Variants in TSG101 observed in about 807,000 individuals in gnomAD.
TSG101 encodes the protein tumor susceptibility 101, also known as tumor susceptibility gene 101 protein.
A neutral mutation model predicts 48.5 loss-of-function variants in TSG101; 19 were observed. The ratio of observed to expected loss-of-function variants is 0.39; its 90% confidence interval spans 0.27 to 0.58. The LOEUF (loss-of-function observed/expected upper bound fraction) is 0.58, where lower values mean the gene tolerates loss of function less well. TSG101 is among the 20% of genes least tolerant of loss of function. TSG101 has a pLI of 0.55. For synonymous variants in TSG101, 174 were observed against 169.4 expected, an observed-to-expected ratio of 1.03 and a Z score of -0.21; for missense variants, 365 against 484.4, an observed-to-expected ratio of 0.75 and a Z score of 2.31.
In TSG101 at chr11:18,499,381, A is replaced by AATATATATATATATATATATAT. The variant is rs1229188041; in HGVS notation, c.640+3083_640+3104dup. ...TTATATATAAATATGTTTATATTTA[A>AATATATATATATATATATATAT]ATATATATATATATATATATATTTT... On this transcript the variant is annotated intron_variant, in intron 7 of 9. Transcript: ENST00000251968. 2.8e-3 allele frequency among the ~76,000 whole-genome samples: 34 copies of AATATATATATATATATATATAT among 12,282 alleles called. 7 individuals carry two copies. The highest frequency in any genetic ancestry group is 6.4e-3 in the East Asian group (2 of 314). 8.1% of individuals were successfully genotyped at this position (12,282 alleles called of 152,430 possible). A position where few individuals can be genotyped will look rare whatever the true frequency, so the allele number is the denominator to read the frequency against.
chr11:18,483,370 C>A (rs982740177), intron 8 of TSG101, among the ~76,000 whole-genome samples: 1 of 151,928 alleles, frequency 6.6e-6, no homozygotes, highest in South Asian at 2.1e-4. Flanking sequence ...GTGGCAGGCA[C>A]CTGTAATCCC....
In TSG101 at chr11:18,484,935, C is replaced by CTTTTTTTTTT. The variant is rs529154247; in HGVS notation, c.641-873_641-864dup. Among the ~76,000 whole-genome samples, 3 of 108,018 alleles carry CTTTTTTTTTT rather than the reference C, an allele frequency of 2.8e-5. 1 individual carries two copies. Among genetic ancestry groups the CTTTTTTTTTT allele is most frequent in the South Asian group, 3.1e-4 (1 of 3,222 alleles). The allele number at this position is 108,018 out of a possible 152,430, so 70.9% of individuals were successfully genotyped here. A position where few individuals can be genotyped will look rare whatever the true frequency, so the allele number is the denominator to read the frequency against. On this transcript the variant is annotated intron_variant, in intron 7 of 9. Coordinates refer to ENST00000251968, the MANE Select transcript of TSG101 (RefSeq NM_006292.4). Reference sequence around the variant, plus strand: ...AAGTATATTTAACCTTAATTGCCGCCTTTTTTTTTTTTTTTTTTTTTGAGA... The same window carrying CTTTTTTTTTT: ...AAGTATATTTAACCTTAATTGCCGCCTTTTTTTTTTTTTTTTTTTTTTTTTTTTTTTGAGA...
intron 1 of TSG101, among the ~76,000 whole-genome samples, chr11:18,522,897 T>C (rs936701765): frequency 2.6e-5 from 4 of 152,226 alleles, no homozygotes; most frequent in African/African-American, 9.7e-5. Context: ...TGTTCCAGGT[T>C]TGTTTTTTTC....
Position 18,480,647 on chromosome 11 carries a change from G to A in TSG101, c.1084-12C>T. On this transcript the variant is annotated splice_polypyrimidine_tract_variant and intron_variant, in intron 9 of 9. Coordinates refer to ENST00000251968, the MANE Select transcript of TSG101 (RefSeq NM_006292.4). Reference sequence around the variant, plus strand: ...AGAAGACGTACATGCTGGGAGGGGAGAAAAGTTTGAATAGTTTAGAATGGC... The same window carrying A: ...AGAAGACGTACATGCTGGGAGGGGAAAAAAGTTTGAATAGTTTAGAATGGC... 6.2e-7 allele frequency: 1 copy of A among 1,611,512 alleles called. No individual in the cohort carries two copies. The highest frequency in any genetic ancestry group is 8.5e-7 in the Non-Finnish European group (1 of 1,178,358).
chr11:18,484,207 A>G (rs1849587692), intron 7 of TSG101, 135 bp from the exon 8 acceptor site: 1 of 772,314 alleles, frequency 1.3e-6, no homozygotes, highest in Admixed American at 2.8e-5. Context: ...TTATGTTACC[A>G]GTTTCATGAG....
chr11:18,522,815 T>C (rs986305412), intron 1 of TSG101, among the ~76,000 whole-genome samples: 4 of 152,244 alleles, frequency 2.6e-5, no homozygotes, highest in Non-Finnish European at 5.9e-5. Flanking sequence ...TCCTCTATCA[T>C]GCATGACAAA....
chr11:18,481,134 C>T (rs570580274), intron 9 of TSG101, among the ~76,000 whole-genome samples: 7 of 152,286 alleles, frequency 4.6e-5, no homozygotes, highest in South Asian at 2.1e-4. Flanking sequence ...AGCCAAACTT[C>T]GCTTACTAGA....
At chr11:18,482,180 G>T (rs1224877157) in intron 8 of TSG101, among the ~76,000 whole-genome samples, 1 of 152,180 alleles carries the variant, frequency 6.6e-6, no homozygotes, top group African/African-American at 2.4e-5. Flanking sequence ...CCAGCAGAAG[G>T]TTCCTTTACA....
chr11:18,501,544 A>C (rs939048612), intron 7 of TSG101, among the ~76,000 whole-genome samples: 4 of 152,080 alleles, frequency 2.6e-5, no homozygotes, highest in African/African-American at 7.2e-5. Flanking sequence ...GTCAGGTAGT[A>C]TGATGCTTCC....
At chr11:18,500,994 G>T (rs1310528158) in intron 7 of TSG101, among the ~76,000 whole-genome samples, 3 of 152,092 alleles carry the variant, frequency 2.0e-5, no homozygotes, top group African/African-American at 7.2e-5. Flanking sequence ...TTTTAGGAGA[G>T]ACGGGGTTTT....
At chr11:18,517,073 A>G (rs1850190327) in intron 2 of TSG101, among the ~76,000 whole-genome samples, 1 of 152,088 alleles carries the variant, frequency 6.6e-6, no homozygotes, top group African/African-American at 2.4e-5. Flanking sequence ...TGTTTTTTGG[A>G]GACAGGGTCT....
At chr11:18,495,301 G>A (rs900502132) in intron 7 of TSG101, among the ~76,000 whole-genome samples, 1 of 152,176 alleles carries the variant, frequency 6.6e-6, no homozygotes, top group Non-Finnish European at 1.5e-5. Context: ...TGCAACTACT[G>A]AAAGGTCAAA....
chr11:18,490,248 C>A, intron 7 of TSG101: 1 of 531,270 alleles, frequency 1.9e-6, no homozygotes, highest in Non-Finnish European at 3.7e-6. Flanking sequence ...TCTCTCCCTC[C>A]CCAGCATCTC....
At chr11:18,497,730 T>C (rs1282521043) in intron 7 of TSG101, among the ~76,000 whole-genome samples, 3 of 152,210 alleles carry the variant, frequency 2.0e-5, no homozygotes, top group African/African-American at 7.2e-5. Flanking sequence ...CTTCACCAGA[T>C]TTAGTGTGCT....
intron 3 of TSG101, among the ~76,000 whole-genome samples, 199 bp downstream of exon 3, chr11:18,515,900 A>G (rs1441868161): frequency 1.3e-5 from 2 of 152,348 alleles, no homozygotes; most frequent in East Asian, 1.9e-4. Context: ...ATTTGTTCAT[A>G]TATCTTGGTA....
intron 7 of TSG101, among the ~76,000 whole-genome samples, chr11:18,484,327 A>C (rs1849589137): frequency 6.6e-6 from 1 of 152,204 alleles, no homozygotes; most frequent in Admixed American, 6.5e-5. Context: ...ATTAGCTACA[A>C]TTAGTTATTT....
At chr11:18,508,045 G>C (rs1590282474) in intron 5 of TSG101, 1 of 150,450 alleles carries the variant, frequency 6.6e-6, no homozygotes, top group Non-Finnish European at 1.5e-5. Flanking sequence ...AGTCAGCCCA[G>C]ATCATACCAC....
In TSG101 at chr11:18,486,601, TA is replaced by T. The variant is rs1228635147; in HGVS notation, c.641-2530del. On this transcript the variant is annotated intron_variant, in intron 7 of 9. Transcript: ENST00000251968. The stretch of plus-strand genomic sequence containing the variant: ...TCACACCAGTTAGAATGGTGATCAT[TA>T]AAAAGTCAGGAAACAACAGGTGCTG... Among the ~76,000 whole-genome samples, 6 of 151,872 alleles carry T rather than the reference TA, an allele frequency of 4.0e-5. No individual in the cohort carries two copies. The East Asian group carries it at 1.2e-3, about 29-fold the overall frequency.
chr11:18,526,536 T>C (rs1850377535), intron 1 of TSG101, among the ~76,000 whole-genome samples: 1 of 152,236 alleles, frequency 6.6e-6, no homozygotes, highest in African/African-American at 2.4e-5. Flanking sequence ...AGGTGTCAGG[T>C]AGCCTCCGCT....
Sources: allele counts gnomAD v4.1 joint callset (sites outside exome capture counted in the v4.1 genomes callset), GRCh38; gene constraint gnomAD v4.1.1; transcripts MANE v1.5; gene names NCBI Gene and HGNC (gene_info 2026-07-23, HGNC 2026-07-21).